Variants in ZMIZ1 observed in about 807,000 individuals in gnomAD.
ZMIZ1 encodes the protein zinc finger MIZ-type containing 1.
Under a neutral mutation model 113.9 loss-of-function variants are expected in ZMIZ1, and 17 were observed. The ratio of observed to expected loss-of-function variants is 0.15; its 90% CI spans 0.10 to 0.22. The LOEUF is 0.22. ZMIZ1 is among the 10% of genes least tolerant of loss of function. The pLI, the probability that ZMIZ1 is intolerant of heterozygous loss-of-function variation, is 1.00. For missense variants in ZMIZ1, 1,059 were observed against 1,477.8 expected (o/e 0.72, Z 4.65); for synonymous variants, 607 against 603.1 (o/e 1.01, Z -0.09).
At chr10:79,088,432 G>A (rs542380053) in intron 1 of ZMIZ1, among the ~76,000 whole-genome samples, 3 of 152,344 alleles carry the variant, frequency 2.0e-5, no homozygotes, top group Admixed American at 6.5e-5. Context: ...TGCTGGGGGA[G>A]GGCCACCCTT....
intron 2 of ZMIZ1, among the ~76,000 whole-genome samples, chr10:79,125,031 G>A (rs1367401273): frequency 2.0e-5 from 3 of 152,218 alleles, no homozygotes; most frequent in African/African-American, 4.8e-5. Context: ...AGGAACTGTG[G>A]CAGCAGGAAG....
chr10:79,240,099 C>G (rs1849753208), intron 7 of ZMIZ1, among the ~76,000 whole-genome samples: 1 of 152,230 alleles, frequency 6.6e-6, no homozygotes, highest in African/African-American at 2.4e-5. Context: ...GAAAAGCCAC[C>G]CGCTATTGAT....
chr10:79,298,658 G>C, intron 15 of ZMIZ1, 78 bp downstream of exon 15: 3 of 1,350,386 alleles, frequency 2.2e-6, no homozygotes, highest in East Asian at 2.5e-5. Context: ...TCGCAGTCAG[G>C]CTGCCTGGGG....
chr10:79,266,562 G>C (rs1017110948), intron 7 of ZMIZ1, among the ~76,000 whole-genome samples: 1 of 152,220 alleles, frequency 6.6e-6, no homozygotes, highest in Non-Finnish European at 1.5e-5. Flanking sequence ...GCCAGAAGGG[G>C]TGCCCCATCT....
At chr10:79,106,185 G>A (rs1843549595) in intron 1 of ZMIZ1, among the ~76,000 whole-genome samples, 1 of 152,208 alleles carries the variant, frequency 6.6e-6, no homozygotes, top group African/African-American at 2.4e-5. Context: ...CCAAACTGAG[G>A]GTCTAAGCTT....
At chr10:79,223,178 G>C (rs1173627011) in intron 7 of ZMIZ1, among the ~76,000 whole-genome samples, 1 of 152,252 alleles carries the variant, frequency 6.6e-6, no homozygotes, top group South Asian at 2.1e-4. Context: ...CACCCTGCCA[G>C]AGCTGTCTCT....
rs116077270 is a variant in ZMIZ1, at chr10:79,219,432, T to C, written c.280+3158T>C. Among the ~76,000 whole-genome samples the C allele has an allele frequency of 6.6e-3, 1,008 of 152,212 alleles. 10 individuals carry two copies. The highest frequency in any genetic ancestry group is 0.023 in the African/African-American group (944 of 41,520). Reference sequence around the variant, plus strand: ...GAGAGGTCCTATGACTTCCCTGAGGTCACCCAACTCATAAGTAATAGGCTG... The same window carrying C: ...GAGAGGTCCTATGACTTCCCTGAGGCCACCCAACTCATAAGTAATAGGCTG... On this transcript the variant is annotated intron_variant, in intron 7 of 24. Transcript: ENST00000334512.
At chr10:79,186,340 C>G (rs985615739) in intron 4 of ZMIZ1, among the ~76,000 whole-genome samples, 3 of 152,224 alleles carry the variant, frequency 2.0e-5, no homozygotes, top group Non-Finnish European at 2.9e-5. Flanking sequence ...CCTTGCACTT[C>G]CACAGGAGAA....
intron 8 of ZMIZ1, among the ~76,000 whole-genome samples, chr10:79,287,196 G>T (rs1853144136): frequency 6.6e-6 from 1 of 152,210 alleles, no homozygotes; most frequent in African/African-American, 2.4e-5. Context: ...TGACCTCCCT[G>T]GGAGACAGAG....
intron 7 of ZMIZ1, among the ~76,000 whole-genome samples, chr10:79,253,706 G>A (rs530390559): frequency 6.6e-6 from 1 of 152,318 alleles, no homozygotes; most frequent in Admixed American, 6.5e-5. Context: ...GCAGCGCCCT[G>A]GGGAATTTGG....
intron 3 of ZMIZ1, among the ~76,000 whole-genome samples, chr10:79,146,208 A>C (rs2132433361): frequency 6.6e-6 from 1 of 152,176 alleles, no homozygotes; most frequent in African/African-American, 2.4e-5. Flanking sequence ...CCCCTAGAGC[A>C]GGGTCTCCGC....
At chr10:79,304,985 A>G (rs1014629009) in intron 19 of ZMIZ1, among the ~76,000 whole-genome samples, 179 bp from the exon 20 acceptor site, 5 of 152,144 alleles carry the variant, frequency 3.3e-5, no homozygotes, top group Non-Finnish European at 7.4e-5. Flanking sequence ...GGGTGGAGGC[A>G]TAAGGACTCT....
chr10:79,155,586 C>T (rs1018267978), intron 3 of ZMIZ1, among the ~76,000 whole-genome samples: 5 of 152,242 alleles, frequency 3.3e-5, no homozygotes, highest in Admixed American at 2.6e-4. Flanking sequence ...TGAGGCAGGA[C>T]GGGCAGAAGT....
intron 3 of ZMIZ1, among the ~76,000 whole-genome samples, chr10:79,159,492 C>T (rs763583013): frequency 6.6e-6 from 1 of 152,302 alleles, no homozygotes; most frequent in Non-Finnish European, 1.5e-5. Context: ...TGCCGCATAG[C>T]GGGCAGACTG....
At position 79,069,451 on chromosome 10, in the gene ZMIZ1, C is replaced by A. The variant is rs1464274316; in HGVS notation, c.-337+181C>A. 6.6e-6 allele frequency among the ~76,000 whole-genome samples: 1 copy of A among 150,930 alleles called. No individual in the cohort carries two copies. The highest frequency in any genetic ancestry group is 2.4e-5 in the African/African-American group (1 of 41,200). On this transcript the variant is annotated intron_variant, in intron 1 of 24. Transcript: ENST00000334512. The surrounding 1 kb of genome is among the most constrained non-coding windows in gnomAD (Gnocchi z 4.6). ...TCCGCTCTCCTTGGCGGCCGGGGGC[C>A]GAGGCCCGGCGGCCGGCGAGCTCCC...
At chr10:79,173,448 C>T (rs1377839716) in intron 4 of ZMIZ1, among the ~76,000 whole-genome samples, 1 of 152,142 alleles carries the variant, frequency 6.6e-6, no homozygotes, top group Admixed American at 6.5e-5. Flanking sequence ...CCAAGGGCAG[C>T]CTAGTGTCCC....
intron 5 of ZMIZ1, among the ~76,000 whole-genome samples, chr10:79,204,253 G>A (rs547936087): frequency 1.6e-4 from 24 of 152,198 alleles, no homozygotes; most frequent in African/African-American, 4.6e-4. Flanking sequence ...CTTTGCTGGC[G>A]TTCACCAACC....
intron 7 of ZMIZ1, among the ~76,000 whole-genome samples, chr10:79,239,536 C>T (rs1849725358): frequency 6.6e-6 from 1 of 152,192 alleles, no homozygotes; most frequent in Admixed American, 6.5e-5. Flanking sequence ...GCTGAATCAG[C>T]AGACCCTGCC....
At chr10:79,098,409 C>T (rs181059408) in intron 1 of ZMIZ1, among the ~76,000 whole-genome samples, 2 of 152,206 alleles carry the variant, frequency 1.3e-5, no homozygotes, top group African/African-American at 4.8e-5. Flanking sequence ...GCTGGGCAAC[C>T]TCAGGGAAGT....
Sources: allele counts gnomAD v4.1 joint callset (sites outside exome capture counted in the v4.1 genomes callset), GRCh38; gene constraint gnomAD v4.1.1; non-coding constraint Gnocchi (gnomAD v3.1); transcripts MANE v1.5; gene names NCBI Gene and HGNC (gene_info 2026-07-23, HGNC 2026-07-21).